The following CHMP3 variants were observed in gnomAD, a reference collection of about 807,000 sequenced individuals.
The protein encoded by CHMP3 is charged multivesicular body protein 3.
Under a neutral mutation model 27.4 loss-of-function variants are expected in CHMP3, and 8 were observed. The ratio of observed to expected loss-of-function variants is 0.29; its 90% CI spans 0.17 to 0.53. The LOEUF (loss-of-function observed/expected upper bound fraction) is 0.53, where lower values mean the gene tolerates loss of function less well. Ranked by LOEUF, CHMP3 falls within the 20% of genes least tolerant of loss-of-function variation. CHMP3 has a pLI of 0.96. For synonymous variants in CHMP3, 86 were observed against 85.5 expected (o/e 1.01, Z -0.03); for missense variants, 208 against 271.5 (o/e 0.77, Z 1.64).
rs991929526 is a variant in CHMP3, at chr2:86,553,372, G to A, written c.45+9932C>T. 3.9e-5 allele frequency among the ~76,000 whole-genome samples: 6 copies of A among 152,154 alleles called. No homozygotes were observed. In the South Asian group the frequency reaches 8.3e-4, roughly 21 times the overall value. ...TATTGAGATGGAGTCTTGCTCTGTC[G>A]CCAGCCTGGAGTGCAGTGGCACAAT... On this transcript the variant is annotated intron_variant, in intron 1 of 5. Transcript: ENST00000263856.
At position 86,529,295 on chromosome 2, in the gene CHMP3, G is replaced by C. The variant is rs1675826136; in HGVS notation, c.209C>G (p.Ser70Ter). ...CIVLAKEMIR[S>*]RKAVSKLYAS... ...ATACAGCTTGCTCACAGCCTTCCTTGACCTGATCATCTCCTTGGCCAGAAC... is the reference window on the plus strand; with the variant it reads ...ATACAGCTTGCTCACAGCCTTCCTTCACCTGATCATCTCCTTGGCCAGAAC... Residue 70 changes from serine (S) to a stop codon, truncating the protein, a stop_gained, in exon 3 of 6, where the codon TCA becomes TGA. Transcript: ENST00000263856. LOFTEE classifies it high-confidence loss of function. 1 of 1,613,654 alleles carries C rather than the reference G, an allele frequency of 6.2e-7. No homozygotes were observed. Among genetic ancestry groups the C allele is most frequent in the African/African-American group, 1.3e-5 (1 of 74,970 alleles).
At chr2:86,524,292 A>G (rs2103928113) in intron 3 of CHMP3, among the ~76,000 whole-genome samples, 1 of 152,356 alleles carries the variant, frequency 6.6e-6, no homozygotes, top group South Asian at 2.1e-4. Context: ...ATAGAAGGAT[A>G]CAACACTTTT....
chr2:86,559,418 T>C (rs1025473415), intron 1 of CHMP3, among the ~76,000 whole-genome samples: 2 of 152,160 alleles, frequency 1.3e-5, no homozygotes, highest in Non-Finnish European at 2.9e-5. Flanking sequence ...CCCCAGTCAA[T>C]TTCCATATTA....
At chr2:86,553,049 G>A (rs1219447104) in intron 1 of CHMP3, among the ~76,000 whole-genome samples, 1 of 151,702 alleles carries the variant, frequency 6.6e-6, no homozygotes, top group Non-Finnish European at 1.5e-5. Flanking sequence ...GGGGGATGGT[G>A]GGGGAGGAAC....
chr2:86,516,165 G>GA (rs76961206), intron 3 of CHMP3, among the ~76,000 whole-genome samples: 1 of 129,702 alleles, frequency 7.7e-6, no homozygotes, highest in African/African-American at 2.7e-5. Flanking sequence ...AAAAAAAAAA[G>GA]AAAAAAAAAT....
intron 2 of CHMP3, among the ~76,000 whole-genome samples, chr2:86,536,317 A>T (rs1377980981): frequency 6.6e-6 from 1 of 152,174 alleles, no homozygotes; most frequent in Non-Finnish European, 1.5e-5. Flanking sequence ...CTAATTGTCC[A>T]TGAATCTACC....
intron 3 of CHMP3, among the ~76,000 whole-genome samples, chr2:86,521,215 C>T (rs1031843437): frequency 6.6e-6 from 1 of 152,120 alleles, no homozygotes; most frequent in African/African-American, 2.4e-5. Flanking sequence ...ACTCAGCCCA[C>T]CTGCACCCAG....
chr2:86,525,894 C>T (rs769925998), intron 3 of CHMP3, among the ~76,000 whole-genome samples: 1 of 152,054 alleles, frequency 6.6e-6, no homozygotes, highest in Non-Finnish European at 1.5e-5. Flanking sequence ...ATGCCAATTA[C>T]GCACTTAGAG....
chr2:86,522,026 A>G (rs1675540086), intron 3 of CHMP3, among the ~76,000 whole-genome samples: 1 of 152,116 alleles, frequency 6.6e-6, no homozygotes, highest in Non-Finnish European at 1.5e-5. Context: ...CCTCTCTTCC[A>G]ATCAAAACAC....
chr2:86,534,592 T>C (rs1676053701), intron 2 of CHMP3, among the ~76,000 whole-genome samples: 2 of 152,234 alleles, frequency 1.3e-5, no homozygotes, highest in Non-Finnish European at 2.9e-5. Flanking sequence ...ATGGAAGAAC[T>C]ATTTCTGTCT....
intron 1 of CHMP3, among the ~76,000 whole-genome samples, chr2:86,544,026 T>A (rs2103990435): frequency 6.6e-6 from 1 of 152,368 alleles, no homozygotes; most frequent in East Asian, 1.9e-4. Flanking sequence ...ATGGGATTGC[T>A]TATTCTGAAT....
At chr2:86,548,393 A>C (rs1245240024) in intron 1 of CHMP3, among the ~76,000 whole-genome samples, 1 of 152,132 alleles carries the variant, frequency 6.6e-6, no homozygotes, top group African/African-American at 2.4e-5. Context: ...GATGACTCTT[A>C]ATGAGCATGC....
chr2:86,547,130 T>G (rs1558658795), intron 1 of CHMP3, among the ~76,000 whole-genome samples: 1 of 152,200 alleles, frequency 6.6e-6, no homozygotes, highest in Non-Finnish European at 1.5e-5. Context: ...CCACCTCTTT[T>G]GGAGAGCTCA....
intron 2 of CHMP3, chr2:86,541,100 T>A (rs542975506): frequency 6.6e-6 from 1 of 152,268 alleles, no homozygotes; most frequent in African/African-American, 2.4e-5. Context: ...GGTAGCCTTT[T>A]TTCTAGGACT....
At chr2:86,520,000 G>A (rs906764076) in intron 3 of CHMP3, among the ~76,000 whole-genome samples, 1 of 152,132 alleles carries the variant, frequency 6.6e-6, no homozygotes, top group African/African-American at 2.4e-5. Context: ...GTAGACCTGA[G>A]TAATAAATGT....
chr2:86,553,972 G>GT (rs1219722597), intron 1 of CHMP3, among the ~76,000 whole-genome samples: 1 of 152,196 alleles, frequency 6.6e-6, no homozygotes, highest in Non-Finnish European at 1.5e-5. Context: ...CCCCAAATTC[G>GT]TATGTTGAAA....
rs569386110 is a variant in CHMP3, at chr2:86,542,531, G to A, written c.46-219C>T. ...TTAAGTTATTCAAAGATTCGTAGCC[G>A]AGGGCAGGCTGTAAGCAGCACTTTA... On this transcript the variant is annotated intron_variant, in intron 1 of 5. Coordinates refer to ENST00000263856, the MANE Select transcript of CHMP3 (RefSeq NM_016079.4). Among the ~76,000 whole-genome samples, 7 of 152,202 alleles carry A rather than the reference G, an allele frequency of 4.6e-5. No individual in the cohort carries two copies. In the East Asian group the frequency reaches 5.8e-4, roughly 13 times the overall value.
intron 2 of CHMP3, chr2:86,541,340 A>T (rs1676352203): frequency 6.6e-6 from 1 of 152,104 alleles, no homozygotes; most frequent in South Asian, 2.1e-4. Flanking sequence ...ACAGCTTAGT[A>T]TTCAGCCAAA....
intron 5 of CHMP3, among the ~76,000 whole-genome samples, chr2:86,506,614 T>A (rs1674897800): frequency 6.6e-6 from 1 of 151,866 alleles, no homozygotes; most frequent in Non-Finnish European, 1.5e-5. Flanking sequence ...AGGCATTTAG[T>A]TTGTTTCGAA....
Sources: allele counts gnomAD v4.1 joint callset (sites outside exome capture counted in the v4.1 genomes callset), GRCh38; gene constraint gnomAD v4.1.1; transcripts MANE v1.5; gene names NCBI Gene and HGNC (gene_info 2026-07-23, HGNC 2026-07-21).